Variants in NFU1 observed in about 807,000 individuals in gnomAD.
The protein encoded by NFU1 is NFU1 iron-sulfur cluster scaffold.
A neutral mutation model predicts 32.2 loss-of-function variants in NFU1; 30 were observed. The observed-to-expected ratio is 0.93, with a 90% CI of 0.70 to 1.26. The LOEUF (loss-of-function observed/expected upper bound fraction) is 1.26, where lower values mean the gene tolerates loss of function less well. Among genes scored for constraint, NFU1 ranks in the 50% most tolerant of loss-of-function variants. NFU1 has a pLI of 0.00. For missense variants in NFU1, 306 were observed against 306.6 expected, an observed-to-expected ratio of 1.00 and a Z score of 0.02; for synonymous variants, 112 against 104.6, an observed-to-expected ratio of 1.07 and a Z score of -0.43.
At chr2:69,435,456 C>T (rs1269755217) in intron 1 of NFU1, among the ~76,000 whole-genome samples, 2 of 152,146 alleles carry the variant, frequency 1.3e-5, no homozygotes, top group African/African-American at 4.8e-5. Context: ...AACTGGAATT[C>T]TTCTCGTGGA....
At chr2:69,421,447 C>T (rs987685460) in intron 3 of NFU1, among the ~76,000 whole-genome samples, 6 of 151,656 alleles carry the variant, frequency 4.0e-5, no homozygotes, top group African/African-American at 1.5e-4. Context: ...CAGATTGAGG[C>T]TTCGGTTCCC....
At chr2:69,412,058 T>A (rs1487873813) in intron 5 of NFU1, among the ~76,000 whole-genome samples, 7 of 151,878 alleles carry the variant, frequency 4.6e-5, no homozygotes, top group Non-Finnish European at 7.4e-5. Context: ...CAAAAAAAAA[T>A]TTTTTGGCGG....
At chr2:69,407,340 T>C (rs1262158463) in intron 5 of NFU1, among the ~76,000 whole-genome samples, 1 of 152,192 alleles carries the variant, frequency 6.6e-6, no homozygotes, top group Admixed American at 6.5e-5. Flanking sequence ...TAACAAACAC[T>C]AGATTCTGGC....
downstream of NFU1, chr2:69,395,998 A>G (rs1433517397): frequency 2.3e-6 from 1 of 431,866 alleles, no homozygotes; most frequent in Non-Finnish European, 4.1e-6. Flanking sequence ...ACACATATGC[A>G]AAGAAAGAGC....
At chr2:69,437,064 C>A (rs1483539198) in intron 1 of NFU1, among the ~76,000 whole-genome samples, 1 of 152,248 alleles carries the variant, frequency 6.6e-6, no homozygotes, top group East Asian at 1.9e-4. Context: ...TAAAACAGCT[C>A]CTCCGTTCTG....
intron 4 of NFU1, among the ~76,000 whole-genome samples, chr2:69,419,138 AC>A (rs933858230): frequency 3.3e-5 from 5 of 150,014 alleles, no homozygotes; most frequent in African/African-American, 1.2e-4. Flanking sequence ...ACATGGCGAA[AC>A]CCTGTCTCTA....
intron 2 of NFU1, chr2:69,430,033 AC>A: frequency 3.0e-6 from 1 of 329,378 alleles, no homozygotes; most frequent in Non-Finnish European, 6.0e-6. Context: ...TGCCTCAAAA[AC>A]AAACAAAAAA....
chr2:69,404,695 C>A (rs1379102047), intron 6 of NFU1, among the ~76,000 whole-genome samples: 2 of 128,530 alleles, frequency 1.6e-5, no homozygotes, highest in Non-Finnish European at 3.1e-5. Context: ...TCTTGGCTGA[C>A]TGCAACCTCC....
At chr2:69,439,335 A>G (rs1673983116), upstream of NFU1, among the ~76,000 whole-genome samples, 1 of 152,074 alleles carries the variant, frequency 6.6e-6, no homozygotes, top group African/African-American at 2.4e-5. Flanking sequence ...ACAGTTCTTA[A>G]AGATGGTGTG....
chr2:69,418,982 A>C (rs1189979137), intron 4 of NFU1, among the ~76,000 whole-genome samples: 1 of 152,202 alleles, frequency 6.6e-6, no homozygotes, highest in East Asian at 1.9e-4. Context: ...AAAATGGAAC[A>C]GCCCTTTCTA....
At chr2:69,427,059 C>CAAA (rs756433492) in intron 2 of NFU1, among the ~76,000 whole-genome samples, 1 of 75,198 alleles carries the variant, frequency 1.3e-5, no homozygotes, top group Admixed American at 1.3e-4. Flanking sequence ...GACTAGGTCT[C>CAAA]AAAAAAAAAA....
chr2:69,439,170 C>T (rs1477614357), upstream of NFU1, among the ~76,000 whole-genome samples: 1 of 152,106 alleles, frequency 6.6e-6, no homozygotes, highest in African/African-American at 2.4e-5. Flanking sequence ...CTTCCCACTC[C>T]TCAAACCCCT....
intron 5 of NFU1, among the ~76,000 whole-genome samples, chr2:69,406,964 C>G (rs546946929): frequency 1.3e-5 from 2 of 152,218 alleles, no homozygotes; most frequent in South Asian, 4.1e-4. Flanking sequence ...ACTTTTCTCC[C>G]TTTTGCTTGG....
Position 69,423,845 on chromosome 2 carries a change from G to A in NFU1, c.167-128C>T, listed in dbSNP as rs77818193. 7.0e-3 allele frequency: 5,003 copies of A among 718,424 alleles called. 189 individuals are homozygous for A. In the African/African-American group the frequency reaches 0.076, roughly 11 times the overall value. The allele number at this position is 718,424 out of a possible 1,614,324, so 44.5% of individuals were successfully genotyped here. A position where few individuals can be genotyped will look rare whatever the true frequency, so the allele number is the denominator to read the frequency against. On this transcript the variant is annotated intron_variant, in intron 2 of 7. Transcript: ENST00000410022. ...CTGGGGAAAAACCCAAGGCTTTATT[G>A]CCCTGACAAAGCATTTATAAGGATA...
intron 3 of NFU1, among the ~76,000 whole-genome samples, chr2:69,420,843 T>C (rs1275905513): frequency 2.0e-5 from 3 of 152,054 alleles, no homozygotes; most frequent in Admixed American, 1.3e-4. Flanking sequence ...GGTGAAAAAA[T>C]AGTGAAAACT....
upstream of NFU1, chr2:69,437,772 C>T (rs1196099498): frequency 4.6e-6 from 2 of 436,844 alleles, no homozygotes; most frequent in Admixed American, 3.5e-5. Flanking sequence ...CTGACCCATT[C>T]CCTCCTCTAG....
At chr2:69,412,711 A>T (rs1393535050) in intron 5 of NFU1, among the ~76,000 whole-genome samples, 1 of 152,116 alleles carries the variant, frequency 6.6e-6, no homozygotes, top group Non-Finnish European at 1.5e-5. Flanking sequence ...TAAAAACATT[A>T]ACCAGGCATG....
intron 2 of NFU1, among the ~76,000 whole-genome samples, chr2:69,424,219 ATC>A (rs1373497650): frequency 7.9e-6 from 1 of 126,876 alleles, no homozygotes. Flanking sequence ...ATATATATAT[ATC>A]TCAATATATT....
intron 5 of NFU1, among the ~76,000 whole-genome samples, chr2:69,411,636 A>C (rs1672883152): frequency 6.6e-6 from 1 of 152,152 alleles, no homozygotes; most frequent in African/African-American, 2.4e-5. Context: ...TCTATCACCC[A>C]AGATGGAGTG....
Sources: allele counts gnomAD v4.1 joint callset (sites outside exome capture counted in the v4.1 genomes callset), GRCh38; gene constraint gnomAD v4.1.1; transcripts MANE v1.5; gene names NCBI Gene and HGNC (gene_info 2026-07-23, HGNC 2026-07-21).